Variants in PTPRT observed in about 807,000 individuals in gnomAD.
The protein encoded by PTPRT is protein tyrosine phosphatase receptor type T.
A neutral mutation model predicts 176.8 loss-of-function variants in PTPRT; 56 were observed. The observed-to-expected ratio is 0.32, with a 90% CI of 0.26 to 0.40. The LOEUF is 0.40. Among genes scored for constraint, PTPRT ranks in the 10% least tolerant of loss-of-function variants. The pLI is 1.00. For missense variants in PTPRT, 1,540 were observed against 1,908.2 expected (o/e 0.81, Z 3.60); for synonymous variants, 783 against 739.0 (o/e 1.06, Z -0.96).
intron 13 of PTPRT, among the ~76,000 whole-genome samples, chr20:42,268,920 C>T (rs1449382066): frequency 1.3e-5 from 2 of 152,186 alleles, no homozygotes; most frequent in African/African-American, 2.4e-5. Flanking sequence ...ACAAATACCT[C>T]CCTTCCTAGA....
intron 22 of PTPRT, among the ~76,000 whole-genome samples, chr20:42,111,024 A>ATGAT (rs549158723): frequency 5.9e-5 from 9 of 152,296 alleles, no homozygotes; most frequent in Admixed American, 3.3e-4. Flanking sequence ...CTTACTTAGA[A>ATGAT]TGATTACATA....
At chr20:42,753,621 G>A in intron 6 of PTPRT, among the ~76,000 whole-genome samples, 1 of 152,278 alleles carries the variant, frequency 6.6e-6, no homozygotes, top group Middle Eastern at 3.4e-3. Flanking sequence ...AGTGGCTTCA[G>A]AGCAGTGGTA....
At chr20:42,978,437 A>G (rs986239044) in intron 1 of PTPRT, among the ~76,000 whole-genome samples, 1 of 152,206 alleles carries the variant, frequency 6.6e-6, no homozygotes, top group African/African-American at 2.4e-5. Context: ...CTAAAACTAT[A>G]TACTAAACTG....
intron 1 of PTPRT, among the ~76,000 whole-genome samples, chr20:43,152,637 C>A (rs895689536): frequency 6.6e-6 from 1 of 152,188 alleles, no homozygotes; most frequent in Admixed American, 6.5e-5. Flanking sequence ...TTTCCTTTCA[C>A]ACATTCTTCC....
At chr20:42,520,065 C>G (rs2072142971) in intron 7 of PTPRT, among the ~76,000 whole-genome samples, 1 of 152,092 alleles carries the variant, frequency 6.6e-6, no homozygotes, top group Non-Finnish European at 1.5e-5. Flanking sequence ...ACTACACCAA[C>G]TCTCTTTTTG....
At chr20:43,093,783 CAGT>C (rs1419939233) in intron 1 of PTPRT, among the ~76,000 whole-genome samples, 3 of 152,166 alleles carry the variant, frequency 2.0e-5, no homozygotes, top group Admixed American at 2.0e-4. Flanking sequence ...TCCCTTGACC[CAGT>C]ATGTACCAGC....
chr20:42,518,562 C>A (rs1334614944), intron 7 of PTPRT, among the ~76,000 whole-genome samples: 1 of 151,998 alleles, frequency 6.6e-6, no homozygotes, highest in African/African-American at 2.4e-5. Flanking sequence ...ATATGGTAAT[C>A]AATAGTATTC....
chr20:43,094,414 T>C (rs1172920302), intron 1 of PTPRT, among the ~76,000 whole-genome samples: 1 of 144,088 alleles, frequency 6.9e-6, no homozygotes, highest in Non-Finnish European at 1.5e-5. Flanking sequence ...TTTTTTTTTT[T>C]TCAGACGGAG....
intron 10 of PTPRT, among the ~76,000 whole-genome samples, chr20:42,351,469 TAAGAG>T (rs1294990430): frequency 1.3e-5 from 2 of 152,076 alleles, no homozygotes; most frequent in Non-Finnish European, 2.9e-5. Context: ...GGGATAAAGA[TAAGAG>T]AAAACATTAA....
chr20:43,129,230 C>T (rs1015811934), intron 1 of PTPRT, among the ~76,000 whole-genome samples: 1 of 152,178 alleles, frequency 6.6e-6, no homozygotes, highest in African/African-American at 2.4e-5. Context: ...TAGGCTCTAA[C>T]CATCACTGTA....
intron 7 of PTPRT, among the ~76,000 whole-genome samples, chr20:42,510,318 T>C (rs1202391290): frequency 6.6e-6 from 1 of 152,106 alleles, no homozygotes; most frequent in African/African-American, 2.4e-5. Context: ...AGCCCTTCCC[T>C]ACCTAGGAAC....
At chr20:42,963,713 C>A (rs1982138834) in intron 1 of PTPRT, among the ~76,000 whole-genome samples, 1 of 152,074 alleles carries the variant, frequency 6.6e-6, no homozygotes, top group African/African-American at 2.4e-5. Context: ...AAGGGTAGGT[C>A]AAACTATGCT....
In PTPRT at chr20:42,934,334, G is replaced by GT. The variant is rs1980043164; in HGVS notation, c.89-48403dup. 2.0e-5 allele frequency among the ~76,000 whole-genome samples: 3 copies of GT among 152,318 alleles called. No individual in the cohort carries two copies. In the South Asian group the frequency reaches 6.2e-4, roughly 32 times the overall value. ...TAAACTCTTTTAATAAAGGAAAATA[G>GT]TTTTCAAACAAAGAAAAAGAAGTCT... On this transcript the variant is annotated intron_variant, in intron 1 of 30. Coordinates refer to ENST00000373187, the MANE Select transcript of PTPRT (RefSeq NM_007050.6).
intron 6 of PTPRT, among the ~76,000 whole-genome samples, chr20:42,707,224 C>T (rs902638458): frequency 3.3e-5 from 5 of 151,898 alleles, no homozygotes; most frequent in African/African-American, 1.2e-4. Context: ...GTTGTAGCAG[C>T]CCTAGGAAAT....
At chr20:42,727,164 G>A (rs1482209495) in intron 6 of PTPRT, among the ~76,000 whole-genome samples, 1 of 152,178 alleles carries the variant, frequency 6.6e-6, no homozygotes, top group East Asian at 1.9e-4. Flanking sequence ...ATGGCCTTGT[G>A]CCTGTCTCCT....
chr20:42,676,862 A>T (rs2075513763), intron 7 of PTPRT, among the ~76,000 whole-genome samples: 1 of 152,238 alleles, frequency 6.6e-6, no homozygotes, highest in African/African-American at 2.4e-5. Context: ...ACATGTTGTT[A>T]GCCAATAGCC....
At chr20:42,678,277 A>G (rs2075543796) in intron 6 of PTPRT, 118 bp from the exon 7 acceptor site, 1 of 914,052 alleles carries the variant, frequency 1.1e-6, no homozygotes, top group Non-Finnish European at 1.6e-6. Flanking sequence ...ATAGTCAGAA[A>G]CCCCTTTTTG....
At chr20:42,496,566 A>G (rs1268767109) in intron 7 of PTPRT, among the ~76,000 whole-genome samples, 1 of 151,688 alleles carries the variant, frequency 6.6e-6, no homozygotes, top group Non-Finnish European at 1.5e-5. Flanking sequence ...GTTAATTCTT[A>G]TGATCTTGTG....
chr20:42,613,347 T>C (rs2145830595), intron 7 of PTPRT, among the ~76,000 whole-genome samples: 1 of 152,356 alleles, frequency 6.6e-6, no homozygotes, highest in Admixed American at 6.5e-5. Flanking sequence ...AAAAGCTGTC[T>C]TTTGAAGCTA....
Sources: gnomAD v4.1 joint callset for allele counts (sites outside exome capture counted in the v4.1 genomes callset) on GRCh38, gnomAD v4.1.1 for gene constraint, MANE v1.5 for transcripts, NCBI Gene and HGNC (gene_info 2026-07-23, HGNC 2026-07-21) for gene names.